SIAH1: variants seen among roughly 807,000 people sequenced by gnomAD.
The protein encoded by SIAH1 is E3 ubiquitin-protein ligase SIAH1.
In SIAH1, 2 loss-of-function variants were observed where a neutral mutation model predicts 20.0. The observed-to-expected ratio is 0.10, with a 90% CI of 0.04 to 0.31. The LOEUF (loss-of-function observed/expected upper bound fraction) is 0.31, where lower values mean the gene tolerates loss of function less well. SIAH1 is among the 10% of genes least tolerant of loss of function. The pLI is 1.00. For synonymous variants in SIAH1, 118 were observed against 125.3 expected (o/e 0.94, Z 0.39); for missense variants, 119 against 355.3 (o/e 0.33, Z 5.35).
intron 1 of SIAH1, among the ~76,000 whole-genome samples, chr16:48,368,158 T>C (rs899357246): frequency 6.6e-6 from 1 of 152,186 alleles, no homozygotes; most frequent in African/African-American, 2.4e-5. Flanking sequence ...AAAATCATAA[T>C]ATATTGTAAA....
intron 1 of SIAH1, chr16:48,365,128 G>C: frequency 2.4e-6 from 1 of 423,712 alleles, no homozygotes; most frequent in East Asian, 3.9e-5. Context: ...GTGGAACCCA[G>C]CTCCATCTTG....
upstream of SIAH1, among the ~76,000 whole-genome samples, chr16:48,385,777 A>G (rs1325331208): frequency 6.6e-6 from 1 of 151,632 alleles, no homozygotes; most frequent in Non-Finnish European, 1.5e-5. Flanking sequence ...GGGGTCGCCC[A>G]GCGGGATGCG....
At chr16:48,369,052 C>G (rs1381205606) in intron 1 of SIAH1, among the ~76,000 whole-genome samples, 1 of 152,152 alleles carries the variant, frequency 6.6e-6, no homozygotes, top group South Asian at 2.1e-4. Flanking sequence ...GACTTACTTG[C>G]TTCTTACACA....
At chr16:48,363,841 G>C (rs940715548) in intron 1 of SIAH1, 7 of 166,114 alleles carry the variant, frequency 4.2e-5, no homozygotes, top group African/African-American at 1.7e-4. Flanking sequence ...GAAGCTACCT[G>C]GGCTGGAAAA....
At chr16:48,364,480 CA>C (rs764711133) in intron 1 of SIAH1, among the ~76,000 whole-genome samples, 81 of 152,104 alleles carry the variant, frequency 5.3e-4, no homozygotes, top group Non-Finnish European at 1.0e-3. Context: ...CCAGAGGCAA[CA>C]AAAGTGACAA....
rs1428700079 is a variant in SIAH1, at chr16:48,361,571, A to T, written c.*9T>A. On this transcript the variant is annotated 3_prime_UTR_variant, in exon 2 of 2. Transcript: ENST00000394725. ...TTAAACACTGGCCAGAAAATGTTTG[A>T]TTGCCATTTCAACACATGGAAATAG... The T allele has an allele frequency of 1.9e-6, 3 of 1,609,754 alleles. No individual in the cohort carries two copies. The highest frequency in any genetic ancestry group is 2.5e-6 in the Non-Finnish European group (3 of 1,177,754).
intron 1 of SIAH1, among the ~76,000 whole-genome samples, chr16:48,375,149 G>A (rs1961075373): frequency 6.6e-6 from 1 of 152,140 alleles, no homozygotes; most frequent in Non-Finnish European, 1.5e-5. Context: ...ACTCTAAAAA[G>A]TCTATCCTCT....
chr16:48,368,680 A>T (rs1341838923), intron 1 of SIAH1, among the ~76,000 whole-genome samples: 1 of 152,118 alleles, frequency 6.6e-6, no homozygotes, highest in African/African-American at 2.4e-5. Flanking sequence ...CGGAGGCTGC[A>T]GTGAGCCAAG....
intron 1 of SIAH1, among the ~76,000 whole-genome samples, chr16:48,374,430 G>A (rs1961053965): frequency 6.6e-6 from 1 of 152,218 alleles, no homozygotes; most frequent in South Asian, 2.1e-4. Flanking sequence ...TCTCGAAAGT[G>A]TTGAGGGCAG....
chr16:48,376,271 T>C (rs1417767090), intron 1 of SIAH1, among the ~76,000 whole-genome samples: 1 of 152,212 alleles, frequency 6.6e-6, no homozygotes, highest in African/African-American at 2.4e-5. Flanking sequence ...CTTAAAAATT[T>C]TAATGCACAT....
intron 1 of SIAH1, among the ~76,000 whole-genome samples, chr16:48,377,711 G>GA (rs1000183978): frequency 1.5e-4 from 22 of 147,554 alleles, no homozygotes; most frequent in East Asian, 6.0e-4. Context: ...AAGATTTAAG[G>GA]AAAAAAAAAA....
intron 1 of SIAH1, among the ~76,000 whole-genome samples, chr16:48,368,726 G>C (rs188250798): frequency 2.0e-5 from 3 of 151,696 alleles, no homozygotes; most frequent in Admixed American, 6.6e-5. Context: ...CTGGGCGACA[G>C]AGCAAGATTC....
At chr16:48,365,050 G>A (rs1235266644) in intron 1 of SIAH1, 1 of 224,196 alleles carries the variant, frequency 4.5e-6, no homozygotes, top group East Asian at 9.7e-5. Flanking sequence ...AGCGAAATGT[G>A]AACGGTATTT....
Position 48,360,714 on chromosome 16 carries a change from T to C in SIAH1, c.*866A>G, listed in dbSNP as rs1279639495. ...TAAAATATGTGATTTGTCCAAGATATCTGAAAAAGGAAACAAAAGCCTGAT... is the reference window on the plus strand; with the variant it reads ...TAAAATATGTGATTTGTCCAAGATACCTGAAAAAGGAAACAAAAGCCTGAT... On this transcript the variant is annotated 3_prime_UTR_variant, in exon 2 of 2. Coordinates refer to ENST00000394725, the MANE Select transcript of SIAH1 (RefSeq NM_003031.4). The C allele has an allele frequency of 6.6e-6, 1 of 152,576 alleles. No homozygotes were observed. Among genetic ancestry groups the C allele is most frequent in the African/African-American group, 2.4e-5 (1 of 41,436 alleles). 9.5% of individuals were successfully genotyped at this position (152,576 alleles called of 1,614,324 possible).
At chr16:48,370,113 G>A (rs1960945967) in intron 1 of SIAH1, among the ~76,000 whole-genome samples, 2 of 152,188 alleles carry the variant, frequency 1.3e-5, no homozygotes, top group African/African-American at 4.8e-5. Context: ...ACCCTTTGCA[G>A]ATAACCTTCT....
At position 48,362,551 on chromosome 16, in the gene SIAH1, G is replaced by A. The variant is rs1462874069; in HGVS notation, c.-2-121C>T. On this transcript the variant is annotated intron_variant, in intron 1 of 1. Coordinates refer to ENST00000394725, the MANE Select transcript of SIAH1 (RefSeq NM_003031.4). This position sits in a 1 kb window ranked among gnomAD's most constrained non-coding sequence, Gnocchi z 4.2. ...CATACAAAATTTACTGAGCAAAAGA[G>A]GAAGAAAAATAGGATTAAAAAAGAT... 2.1e-6 allele frequency: 2 copies of A among 963,862 alleles called. No individual in the cohort carries two copies. Among genetic ancestry groups the A allele is most frequent in the Non-Finnish European group, 3.1e-6 (2 of 650,182 alleles). 59.7% of individuals were successfully genotyped at this position (963,862 alleles called of 1,614,324 possible).
intron 1 of SIAH1, among the ~76,000 whole-genome samples, chr16:48,380,330 C>T (rs917233750): frequency 3.9e-5 from 6 of 151,952 alleles, no homozygotes; most frequent in Non-Finnish European, 8.8e-5. Flanking sequence ...ATCTCAGCTA[C>T]TCAGGAGCTA....
chr16:48,369,363 G>A (rs976620788), intron 1 of SIAH1, among the ~76,000 whole-genome samples: 2 of 152,162 alleles, frequency 1.3e-5, no homozygotes, highest in African/African-American at 4.8e-5. Flanking sequence ...AAAGAGGAAA[G>A]GCAAATCCCG....
At chr16:48,363,381 C>T (rs1960684961) in intron 1 of SIAH1, 1 of 167,034 alleles carries the variant, frequency 6.0e-6, no homozygotes, top group Non-Finnish European at 1.5e-5. Context: ...CTGATCAGTG[C>T]CCACCTCAAG....
Sources: gnomAD v4.1 joint callset for allele counts (sites outside exome capture counted in the v4.1 genomes callset) on GRCh38, gnomAD v4.1.1 for gene constraint, Gnocchi (gnomAD v3.1) non-coding constraint, MANE v1.5 for transcripts, NCBI Gene and HGNC (gene_info 2026-07-23, HGNC 2026-07-21) for gene names.